Variants in WDR19 observed in about 807,000 individuals in gnomAD.
WDR19 encodes WD repeat-containing protein 19.
WDR19 carries 121 observed loss-of-function variants against 180.0 expected under a neutral mutation model. The ratio of observed to expected loss-of-function variants is 0.67; its 90% confidence interval spans 0.58 to 0.78. WDR19 has a LOEUF of 0.78. Among genes scored for constraint, WDR19 ranks in the 30% least tolerant of loss-of-function variants. The pLI is 0.00. For synonymous variants in WDR19, 497 were observed against 540.7 expected (o/e 0.92, Z 1.12); for missense variants, 1,450 against 1,640.7 (o/e 0.88, Z 2.01).
intron 5 of WDR19, among the ~76,000 whole-genome samples, chr4:39,197,945 C>T (rs1726945711): frequency 6.6e-6 from 1 of 152,110 alleles, no homozygotes; most frequent in Non-Finnish European, 1.5e-5. Context: ...CTCAAGGGAT[C>T]CTCCCACCTC....
chr4:39,275,149 G>A (rs1735776930), intron 33 of WDR19, 191 bp downstream of exon 33: 1 of 691,068 alleles, frequency 1.4e-6, no homozygotes, highest in South Asian at 1.7e-5. Context: ...AGACCAGCCT[G>A]GCCAATATGA....
Position 39,199,465 on chromosome 4 carries a change from ATC to A in WDR19, c.407-9_407-8del. On this transcript the variant is annotated splice_polypyrimidine_tract_variant and intron_variant, in intron 5 of 36. Coordinates refer to ENST00000399820, the MANE Select transcript of WDR19 (RefSeq NM_025132.4). ...AAATCCACATGTCTGTATAAAAATAATCTCTTTTTCAGGAAAACATACTAAGA... is the reference window on the plus strand; with the variant it reads ...AAATCCACATGTCTGTATAAAAATAATCTTTTTCAGGAAAACATACTAAGA... 6.2e-7 allele frequency: 1 copy of A among 1,602,778 alleles called. No individual in the cohort carries two copies. Among genetic ancestry groups the A allele is most frequent in the Non-Finnish European group, 8.5e-7 (1 of 1,171,646 alleles).
chr4:39,192,098 C>T (rs1726220898), intron 4 of WDR19, among the ~76,000 whole-genome samples: 1 of 152,122 alleles, frequency 6.6e-6, no homozygotes, highest in Middle Eastern at 3.2e-3. Context: ...TTATTTAACA[C>T]TTTCTTTCTA....
rs1002565378 is a variant in WDR19 at position 39,275,389 on chromosome 4, C to T, written c.3716+431C>T. 9 of 243,532 alleles carry T rather than the reference C, an allele frequency of 3.7e-5. No individual in the cohort carries two copies. The South Asian group carries it at 3.9e-4, about 11-fold the overall frequency. 15.1% of individuals were successfully genotyped at this position (243,532 alleles called of 1,614,324 possible). On this transcript the variant is annotated intron_variant, in intron 33 of 36. Coordinates refer to ENST00000399820, the MANE Select transcript of WDR19 (RefSeq NM_025132.4). ...ATATCAATTAGGATTGTATTTAGCTCTAAGCATCAGAAAACCTAACAGCAG... is the reference window on the plus strand; with the variant it reads ...ATATCAATTAGGATTGTATTTAGCTTTAAGCATCAGAAAACCTAACAGCAG...
intron 5 of WDR19, among the ~76,000 whole-genome samples, chr4:39,196,312 A>T (rs995720235): frequency 2.6e-5 from 4 of 152,076 alleles, no homozygotes; most frequent in Non-Finnish European, 5.9e-5. Context: ...GTAGACTCAT[A>T]CCTCCAACGC....
chr4:39,228,460 A>G, intron 16 of WDR19, 26 bp from the exon 17 acceptor site: 1 of 1,611,386 alleles, frequency 6.2e-7, no homozygotes, highest in Non-Finnish European at 8.5e-7. Context: ...AGCTTTCAGC[A>G]TTGCGATGTC....
At position 39,190,304 on chromosome 4, in the gene WDR19, G is replaced by T. The variant is rs1292972489; in HGVS notation, c.290+523G>T. On this transcript the variant is annotated intron_variant, in intron 4 of 36. Transcript: ENST00000399820. ...AGTGGAGTAGGCAGGGCCATGGATT[G>T]GTACTCCCACCAAGTGAAAGGAAGA... Among the ~76,000 whole-genome samples, 3 of 152,120 alleles carry T rather than the reference G, an allele frequency of 2.0e-5. No homozygotes were observed. The East Asian group carries it at 5.8e-4, about 29-fold the overall frequency.
chr4:39,223,031 G>A (rs909224484), intron 14 of WDR19, among the ~76,000 whole-genome samples: 7 of 152,110 alleles, frequency 4.6e-5, no homozygotes, highest in African/African-American at 1.7e-4. Flanking sequence ...CATCTAAGTT[G>A]TGTGTATCCA....
chr4:39,231,957 G>A lies in WDR19; in HGVS notation c.2142+1G>A, dbSNP rs1367896383. ...AGTGATGTCCTTGGAACAAATAAAG[G>A]TAAACAGCATGTTATAGAATTATCA... On this transcript the variant is annotated splice_donor_variant, in intron 18 of 36. Transcript: ENST00000399820. LOFTEE classifies it high-confidence loss of function. The A allele has an allele frequency of 6.2e-7, 1 of 1,610,790 alleles. No individual in the cohort carries two copies. The highest frequency in any genetic ancestry group is 1.3e-5 in the African/African-American group (1 of 74,822).
chr4:39,269,799 A>G (rs1735166792), intron 30 of WDR19, among the ~76,000 whole-genome samples, 177 bp from the exon 31 acceptor site: 1 of 152,188 alleles, frequency 6.6e-6, no homozygotes, highest in Non-Finnish European at 1.5e-5. Flanking sequence ...GCGAGACCCT[A>G]TCTCTGACAG....
chr4:39,215,887 C>G lies in WDR19; in HGVS notation c.1008C>G (p.Leu336=). The G allele has an allele frequency of 6.2e-7, 1 of 1,613,822 alleles. No homozygotes were observed. The highest frequency in any genetic ancestry group is 8.5e-7 in the Non-Finnish European group (1 of 1,179,792). ...CTGATGATGGCCAGTTGCTAGCACT[C>G]TCTACCCAAAGGGGCTCACTTCATG... ...SWTDDGQLLA[L]STQRGSLHVF... is the part of the protein sequence containing the mutation. The change falls in exon 11 of 37, where the codon CTC becomes CTG. Residue 336 remains leucine (L), a synonymous_variant. Coordinates refer to ENST00000399820, the MANE Select transcript of WDR19 (RefSeq NM_025132.4).
intron 28 of WDR19, among the ~76,000 whole-genome samples, chr4:39,258,107 A>G (rs762594454): frequency 7.9e-5 from 12 of 152,066 alleles, no homozygotes; most frequent in Non-Finnish European, 1.5e-4. Context: ...TTCAGTCAGC[A>G]TTATGTATGC....
At chr4:39,205,528 C>G (rs1441777447) in intron 8 of WDR19, 35 bp from the exon 9 acceptor site, 1 of 1,590,842 alleles carries the variant, frequency 6.3e-7, no homozygotes, top group Non-Finnish European at 8.6e-7. Context: ...TAGCTAATCT[C>G]CTTGTTTACC....
chr4:39,214,480 A>C, intron 9 of WDR19, 121 bp from the exon 10 acceptor site: 1 of 592,608 alleles, frequency 1.7e-6, no homozygotes, highest in Non-Finnish European at 3.0e-6. Context: ...CCAGTAGATC[A>C]TTCTGTACAT....
rs370497422 is a variant in WDR19 at position 39,253,400 on chromosome 4, T to A, written c.2876+108T>A. 202 of 1,283,294 alleles carry A rather than the reference T, an allele frequency of 1.6e-4. No homozygotes were observed. The African/African-American group carries it at 2.7e-3, about 17-fold the overall frequency. 79.5% of individuals were successfully genotyped at this position (1,283,294 alleles called of 1,614,324 possible). On this transcript the variant is annotated intron_variant, in intron 25 of 36. Transcript: ENST00000399820. Reference sequence around the variant, plus strand: ...ATTCAAAAGGAATATTTAGTCTTTATTTTTTTATCAGGTCTAAGCGTTTAA... The same window carrying A: ...ATTCAAAAGGAATATTTAGTCTTTAATTTTTTATCAGGTCTAAGCGTTTAA...
chr4:39,255,045 T>C (rs7657689), intron 26 of WDR19, among the ~76,000 whole-genome samples: 148,723 of 152,274 alleles, frequency 0.98, 72,721 homozygotes, highest in Middle Eastern at 1. Flanking sequence ...CTTGCAAAGT[T>C]ATTAAGATAA....
chr4:39,240,603 C>T (rs1303987747), intron 21 of WDR19, among the ~76,000 whole-genome samples: 1 of 152,054 alleles, frequency 6.6e-6, no homozygotes, highest in East Asian at 1.9e-4. Flanking sequence ...AGATTTTTAT[C>T]CTTTCTTACT....
intron 3 of WDR19, among the ~76,000 whole-genome samples, chr4:39,187,435 A>G (rs987052325): frequency 1.3e-5 from 2 of 151,892 alleles, no homozygotes; most frequent in African/African-American, 4.8e-5. Context: ...AAAAAAAAAA[A>G]AAAGATGTAT....
chr4:39,282,744 T>C (rs1206001194), intron 36 of WDR19, among the ~76,000 whole-genome samples: 2 of 152,200 alleles, frequency 1.3e-5, no homozygotes, highest in Non-Finnish European at 2.9e-5. Context: ...TTTTGTTAAA[T>C]TTATTTCTAA....
Sources: allele counts gnomAD v4.1 joint callset (sites outside exome capture counted in the v4.1 genomes callset), GRCh38; gene constraint gnomAD v4.1.1; transcripts MANE v1.5; gene names NCBI Gene and HGNC (gene_info 2026-07-23, HGNC 2026-07-21).